The following FBXL17 variants were observed in gnomAD, a reference collection of about 807,000 sequenced individuals.
FBXL17 encodes the protein F-box/LRR-repeat protein 17.
Under a neutral mutation model 66.2 loss-of-function variants are expected in FBXL17, and 22 were observed. That is an observed-to-expected ratio of 0.33 (90% CI 0.24 to 0.47). FBXL17 has a LOEUF of 0.47. Among genes scored for constraint, FBXL17 ranks in the 20% least tolerant of loss-of-function variants. FBXL17 has a pLI of 1.00. For missense variants in FBXL17, 878 were observed against 948.2 expected (o/e 0.93, Z 0.97); for synonymous variants, 474 against 400.5 (o/e 1.18, Z -2.19).
rs958773040 is a variant in FBXL17, at chr5:108,298,676, C to G, written c.1506+49723G>C. The stretch of plus-strand genomic sequence containing the variant: ...ATCCTTTGATATAGTAATATACTAT[C>G]TTCCTCATACAGAATATTAAATAAA... On this transcript the variant is annotated intron_variant, in intron 4 of 8. Transcript: ENST00000542267. 69 of 812,574 alleles carry G rather than the reference C, an allele frequency of 8.5e-5. No homozygotes were observed. The Admixed American group carries it at 1.4e-3, about 16-fold the overall frequency. 50.3% of individuals were successfully genotyped at this position (812,574 alleles called of 1,614,324 possible).
chr5:108,184,605 C>A (rs898377056), intron 6 of FBXL17, among the ~76,000 whole-genome samples: 1 of 151,800 alleles, frequency 6.6e-6, no homozygotes, highest in Admixed American at 6.6e-5. Context: ...CCGTGCCCAG[C>A]CAGTGGTGCA....
chr5:107,929,942 C>A (rs915995880), intron 7 of FBXL17, among the ~76,000 whole-genome samples: 6 of 152,152 alleles, frequency 3.9e-5, no homozygotes, highest in Non-Finnish European at 5.9e-5. Context: ...ATGCTCCTAG[C>A]AACTTCAAGT....
chr5:107,901,415 T>C (rs1213092164), intron 7 of FBXL17, among the ~76,000 whole-genome samples: 2 of 152,184 alleles, frequency 1.3e-5, no homozygotes, highest in Non-Finnish European at 2.9e-5. Context: ...TAAAATAGCC[T>C]TTATTAGATC....
intron 6 of FBXL17, among the ~76,000 whole-genome samples, chr5:108,117,223 G>T (rs557794160): frequency 1.3e-5 from 2 of 152,306 alleles, no homozygotes; most frequent in South Asian, 2.1e-4. Flanking sequence ...TGCTCAGGAA[G>T]ACTTGCATTA....
In FBXL17 at chr5:108,293,096, A is replaced by AC. The variant is rs1300373220; in HGVS notation, c.1506+55302_1506+55303insG. Among the ~76,000 whole-genome samples, 348 of 149,646 alleles carry AC rather than the reference A, an allele frequency of 2.3e-3. 4 individuals carry two copies. The highest frequency in any genetic ancestry group is 8.1e-3 in the African/African-American group (329 of 40,796). ...GAGCAAGACTCTGTCTCAAAAAAAA[A>AC]ACAAAAAAAAAAAAACAAAAAAAAA... On this transcript the variant is annotated intron_variant, in intron 4 of 8. Transcript: ENST00000542267.
intron 6 of FBXL17, among the ~76,000 whole-genome samples, chr5:108,127,500 G>T (rs1366983612): frequency 4.6e-5 from 7 of 152,082 alleles, no homozygotes; most frequent in Middle Eastern, 3.2e-3. Flanking sequence ...CAGGACTTTG[G>T]GTTTCAAAGA....
chr5:107,996,891 G>C (rs1165117439), intron 7 of FBXL17, among the ~76,000 whole-genome samples: 1 of 152,142 alleles, frequency 6.6e-6, no homozygotes, highest in Non-Finnish European at 1.5e-5. Flanking sequence ...ATTTCATCAT[G>C]GTACCTCTCC....
chr5:108,021,051 C>T (rs376381947), intron 6 of FBXL17, 50 bp from the exon 7 acceptor site: 2 of 1,353,202 alleles, frequency 1.5e-6, no homozygotes, highest in African/African-American at 2.9e-5. Flanking sequence ...GTTAAATTAG[C>T]AGGGGTTTGA....
rs147200880 is a variant in FBXL17 at position 108,049,560 on chromosome 5, C to A, written c.1746-28559G>T. 6.1e-3 allele frequency among the ~76,000 whole-genome samples: 934 copies of A among 152,230 alleles called. 9 individuals carry two copies. Among genetic ancestry groups the A allele is most frequent in the African/African-American group, 0.022 (902 of 41,524 alleles). ...GCTGAGGGATTTTGTCACCACCAGGCCTGCCGTGCAAGAGCTCCTAAAGGA... is the reference window on the plus strand; with the variant it reads ...GCTGAGGGATTTTGTCACCACCAGGACTGCCGTGCAAGAGCTCCTAAAGGA... On this transcript the variant is annotated intron_variant, in intron 6 of 8. Coordinates refer to ENST00000542267, the MANE Select transcript of FBXL17 (RefSeq NM_001163315.3).
In FBXL17 at chr5:108,154,252, G is replaced by A. The variant is rs561560692; in HGVS notation, c.1745+31865C>T. On this transcript the variant is annotated intron_variant, in intron 6 of 8. Transcript: ENST00000542267. The stretch of plus-strand genomic sequence containing the variant: ...ACAGAGACACGTAAATTCAGAGGAG[G>A]AAAAAAAGAAAACAGTGTGGAAAGG... Among the ~76,000 whole-genome samples, 196 of 116,316 alleles carry A rather than the reference G, an allele frequency of 1.7e-3. No individual in the cohort carries two copies. In the Middle Eastern group the frequency reaches 0.021, roughly 12 times the overall value. The allele number at this position is 116,316 out of a possible 152,430, so 76.3% of individuals were successfully genotyped here. A position where few individuals can be genotyped will look rare whatever the true frequency, so the allele number is the denominator to read the frequency against.
intron 6 of FBXL17, among the ~76,000 whole-genome samples, chr5:108,111,774 A>G (rs904503354): frequency 5.3e-5 from 8 of 152,206 alleles, no homozygotes; most frequent in Admixed American, 3.9e-4. Context: ...ATAAAATCCT[A>G]TTACATAATT....
chr5:108,071,108 G>A (rs1017322011), intron 6 of FBXL17, among the ~76,000 whole-genome samples: 2 of 152,206 alleles, frequency 1.3e-5, no homozygotes, highest in Non-Finnish European at 2.9e-5. Context: ...AACAGTATAT[G>A]TTCACTGAGA....
chr5:108,198,997 C>T (rs1753786159), intron 5 of FBXL17, among the ~76,000 whole-genome samples: 1 of 152,116 alleles, frequency 6.6e-6, no homozygotes, highest in South Asian at 2.1e-4. Context: ...TAAAGCACTA[C>T]TTTCTGAAAC....
chr5:107,863,617 T>TGGA (rs1748194786), intron 8 of FBXL17, among the ~76,000 whole-genome samples: 1 of 141,880 alleles, frequency 7.0e-6, no homozygotes, highest in Admixed American at 7.3e-5. Context: ...TTGCTTAGTT[T>TGGA]AATGTCTATT....
At chr5:108,366,039 T>G (rs945965143) in intron 2 of FBXL17, among the ~76,000 whole-genome samples, 5 of 152,164 alleles carry the variant, frequency 3.3e-5, no homozygotes, top group Non-Finnish European at 7.4e-5. Flanking sequence ...GAAAATTCAC[T>G]TTTACACTTG....
chr5:107,868,208 G>A (rs1338339295), intron 8 of FBXL17, among the ~76,000 whole-genome samples: 1 of 152,186 alleles, frequency 6.6e-6, no homozygotes, highest in Non-Finnish European at 1.5e-5. Flanking sequence ...CACATTGCCT[G>A]GCCCCTTAGG....
At chr5:108,176,835 G>A (rs6596771) in intron 6 of FBXL17, among the ~76,000 whole-genome samples, 74,175 of 151,840 alleles carry the variant, frequency 0.49, 18,889 homozygotes, top group East Asian at 0.76. Context: ...AAATTTGAAT[G>A]CACTAAGAAC....
At chr5:108,211,499 G>A (rs2150061323) in intron 5 of FBXL17, among the ~76,000 whole-genome samples, 1 of 152,260 alleles carries the variant, frequency 6.6e-6, no homozygotes, top group Non-Finnish European at 1.5e-5. Context: ...CTTCTTTCAG[G>A]AGCTGTTGTA....
Position 108,348,538 on chromosome 5 carries a change from CA to C in FBXL17, c.1375-9del. The C allele has an allele frequency of 6.2e-7, 1 of 1,607,720 alleles. No individual in the cohort carries two copies. The highest frequency in any genetic ancestry group is 1.1e-5 in the South Asian group (1 of 90,366). ...TCTGCATTTTGAGCCCAGCTGTAAACAAACAGATTTAGCTGAATGCTCAAAA... is the reference window on the plus strand; with the variant it reads ...TCTGCATTTTGAGCCCAGCTGTAAACAACAGATTTAGCTGAATGCTCAAAA... On this transcript the variant is annotated splice_polypyrimidine_tract_variant and intron_variant, in intron 3 of 8. Coordinates refer to ENST00000542267, the MANE Select transcript of FBXL17 (RefSeq NM_001163315.3).
Sources: allele counts gnomAD v4.1 joint callset (sites outside exome capture counted in the v4.1 genomes callset), GRCh38; gene constraint gnomAD v4.1.1; transcripts MANE v1.5; gene names NCBI Gene and HGNC (gene_info 2026-07-23, HGNC 2026-07-21).